Variants in FRMD4B observed in about 807,000 individuals in gnomAD.
FRMD4B encodes the protein FERM domain-containing protein 4B.
Under a neutral mutation model 141.5 loss-of-function variants are expected in FRMD4B, and 74 were observed. The observed-to-expected ratio is 0.52, with a 90% CI of 0.43 to 0.63. FRMD4B has a LOEUF of 0.63. FRMD4B is among the 30% of genes least tolerant of loss of function. The pLI is 0.00. For synonymous variants in FRMD4B, 506 were observed against 467.9 expected (o/e 1.08, Z -1.05); for missense variants, 1,366 against 1,253.4 (o/e 1.09, Z -1.36).
chr3:69,487,669 G>A (rs899245212), intron 1 of FRMD4B, among the ~76,000 whole-genome samples: 18 of 152,168 alleles, frequency 1.2e-4, no homozygotes, highest in African/African-American at 4.1e-4. Context: ...GTATTTGCAG[G>A]CATCCTAGTG....
rs181192336 is a variant in FRMD4B, at chr3:69,343,876, G to A, written c.163-30359C>T. On this transcript the variant is annotated intron_variant, in intron 1 of 22. Coordinates refer to ENST00000398540, the MANE Select transcript of FRMD4B (RefSeq NM_015123.3). ...ATTACAGGCGTGAACCACCACACCC[G>A]GCCCGTCTTAACAGTTTCTATACTC... is the stretch of plus-strand genomic sequence containing the variant. Among the ~76,000 whole-genome samples, 74 of 152,042 alleles carry A rather than the reference G, an allele frequency of 4.9e-4. 1 individual carries two copies. Among genetic ancestry groups the A allele is most frequent in the African/African-American group, 1.6e-3 (67 of 41,462 alleles).
intron 1 of FRMD4B, among the ~76,000 whole-genome samples, chr3:69,487,871 C>T (rs1226959089): frequency 2.0e-5 from 3 of 152,118 alleles, no homozygotes; most frequent in Non-Finnish European, 4.4e-5. Context: ...CTTCAAAAAC[C>T]TTGCTAAATT....
intron 5 of FRMD4B, among the ~76,000 whole-genome samples, chr3:69,265,261 A>AC (rs2093553653): frequency 4.1e-5 from 1 of 24,294 alleles, no homozygotes; most frequent in African/African-American, 1.4e-4. Flanking sequence ...TCTCAAAAAA[A>AC]AAAAAAAAAT....
intron 2 of FRMD4B, among the ~76,000 whole-genome samples, chr3:69,425,277 A>G (rs1466632970): frequency 2.6e-5 from 4 of 152,226 alleles, no homozygotes; most frequent in African/African-American, 9.6e-5. Context: ...TTCTATTGCC[A>G]TAAGAAACGT....
chr3:69,541,789 T>C (rs1045151781), intron 1 of FRMD4B, among the ~76,000 whole-genome samples: 26 of 148,408 alleles, frequency 1.8e-4, no homozygotes, highest in East Asian at 1.2e-3. Flanking sequence ...TCCAGGGATT[T>C]CCCCCCCCTC....
chr3:69,205,040 G>C (rs1320327262), intron 11 of FRMD4B, among the ~76,000 whole-genome samples: 4 of 110,880 alleles, frequency 3.6e-5, no homozygotes, highest in Admixed American at 1.1e-4. Context: ...TGCTGTATGG[G>C]TATCTGTTAT....
chr3:69,194,922 C>A, intron 16 of FRMD4B, 100 bp downstream of exon 16: 1 of 1,058,820 alleles, frequency 9.4e-7, no homozygotes, highest in Non-Finnish European at 1.4e-6. Context: ...GGTGAGATAA[C>A]ATACAGCAGA....
chr3:69,459,109 T>C (rs775731675), intron 1 of FRMD4B, among the ~76,000 whole-genome samples: 8 of 152,222 alleles, frequency 5.3e-5, no homozygotes, highest in South Asian at 2.1e-4. Flanking sequence ...ACACCGTTGG[T>C]ACTTCCATGT....
intron 18 of FRMD4B, among the ~76,000 whole-genome samples, chr3:69,188,423 C>T (rs1161101387): frequency 6.6e-6 from 1 of 152,140 alleles, no homozygotes; most frequent in Non-Finnish European, 1.5e-5. Context: ...GGATGGCAAG[C>T]ATGACCAAAC....
chr3:69,379,049 C>A (rs893023061), intron 1 of FRMD4B, among the ~76,000 whole-genome samples: 2 of 152,182 alleles, frequency 1.3e-5, no homozygotes, highest in African/African-American at 4.8e-5. Context: ...GTCTCCCTTA[C>A]ATGAAAATAC....
At chr3:69,367,255 T>G (rs930688546) in intron 1 of FRMD4B, among the ~76,000 whole-genome samples, 2 of 152,186 alleles carry the variant, frequency 1.3e-5, no homozygotes, top group Admixed American at 1.3e-4. Flanking sequence ...TAGATATTCT[T>G]GCTATAAAAT....
intron 2 of FRMD4B, among the ~76,000 whole-genome samples, chr3:69,392,681 G>A (rs1203592561): frequency 1.3e-5 from 2 of 152,084 alleles, no homozygotes; most frequent in Non-Finnish European, 2.9e-5. Flanking sequence ...GGGGTAAGAG[G>A]TTGGTGGGCA....
chr3:69,339,010 T>G (rs1394095601), intron 1 of FRMD4B, among the ~76,000 whole-genome samples: 1 of 152,100 alleles, frequency 6.6e-6, no homozygotes, highest in Admixed American at 6.6e-5. Flanking sequence ...AGCACAGATC[T>G]TTACGCATCC....
At position 69,195,351 on chromosome 3, in the gene FRMD4B, T is replaced by C. The variant is rs754732375; in HGVS notation, c.1248A>G (p.Ser416=). 6.2e-7 allele frequency: 1 copy of C among 1,611,674 alleles called. No individual in the cohort carries two copies. Among genetic ancestry groups the C allele is most frequent in the Non-Finnish European group, 8.5e-7 (1 of 1,179,120 alleles). The change falls in exon 15 of 23, where the codon TCA becomes TCG. Residue 416 remains serine, a synonymous_variant. Transcript: ENST00000398540. ...CTCTCTTTTGCTCTTCACTAACTTC[T>C]GAGTCTTGAGAACCTAGGGGATGAG... is the stretch of plus-strand genomic sequence containing the variant. ...GSLISSGSQD[S]EVSEEQKREK...
At chr3:69,322,584 T>C (rs111536048) in intron 1 of FRMD4B, among the ~76,000 whole-genome samples, 5,999 of 144,380 alleles carry the variant, frequency 0.042, 434 homozygotes, top group African/African-American at 0.14. Context: ...GTTTAGATTT[T>C]TCTCTCTCTC....
Position 69,181,273 on chromosome 3 carries a change from T to A in FRMD4B, c.2477A>T (p.Glu826Val). The change falls in exon 21 of 23, where the codon GAG becomes GTG. Residue 826 changes from glutamate to valine, a missense_variant. Coordinates refer to ENST00000398540, the MANE Select transcript of FRMD4B (RefSeq NM_015123.3). ...ACTATACTGTCCCTCGGTGTCATTC[T>A]CATAGACATAACCACCACTGTAATA... ...DFYYSGGYVY[E>V]NDTEGQYSVN... is the part of the protein sequence containing the mutation. 1 of 1,613,832 alleles carries A rather than the reference T, an allele frequency of 6.2e-7. No individual in the cohort carries two copies. The highest frequency in any genetic ancestry group is 8.5e-7 in the Non-Finnish European group (1 of 1,179,722).
intron 7 of FRMD4B, among the ~76,000 whole-genome samples, chr3:69,236,723 GATCTCTACCCTGGATGAGTT>G (rs2093347845): frequency 6.6e-6 from 1 of 152,144 alleles, no homozygotes; most frequent in South Asian, 2.1e-4. Context: ...CTCAGAGTAA[GATCTCTACCCTGGATGAGTT>G]ATCTCTGTTA....
intron 1 of FRMD4B, among the ~76,000 whole-genome samples, chr3:69,326,119 A>ATTTT (rs371350022): frequency 2.5e-4 from 34 of 133,684 alleles, no homozygotes; most frequent in African/African-American, 8.7e-4. Flanking sequence ...TGGCTAATCA[A>ATTTT]TTTTTTTTTT....
intron 1 of FRMD4B, among the ~76,000 whole-genome samples, chr3:69,456,154 A>G (rs1046165391): frequency 6.6e-6 from 1 of 152,154 alleles, no homozygotes; most frequent in Admixed American, 6.5e-5. Context: ...CATCTGAAAC[A>G]GGGCTCCCTA....
Sources: allele counts gnomAD v4.1 joint callset (sites outside exome capture counted in the v4.1 genomes callset), GRCh38; gene constraint gnomAD v4.1.1; transcripts MANE v1.5; gene names NCBI Gene and HGNC (gene_info 2026-07-23, HGNC 2026-07-21).